Variants in ARRB1 observed in about 807,000 individuals in gnomAD.
The protein encoded by ARRB1 is beta-arrestin-1.
ARRB1 carries 21 observed loss-of-function variants against 56.8 expected under a neutral mutation model. That is an observed-to-expected ratio of 0.37 (90% confidence interval 0.26 to 0.53). The LOEUF (loss-of-function observed/expected upper bound fraction) is 0.53. Among genes scored for constraint, ARRB1 ranks in the 20% least tolerant of loss-of-function variants. The probability of loss-of-function intolerance (pLI) is 0.88; values close to 1 mark genes in which losing one functional copy is unlikely to be tolerated. For missense variants in ARRB1, 424 were observed against 553.7 expected, an observed-to-expected ratio of 0.77 and a Z score of 2.35; for synonymous variants, 210 against 218.6, an observed-to-expected ratio of 0.96 and a Z score of 0.35.
chr11:75,319,434 A>C (rs1263480335), intron 1 of ARRB1, among the ~76,000 whole-genome samples: 1 of 152,166 alleles, frequency 6.6e-6, no homozygotes, highest in African/African-American at 2.4e-5. Context: ...AGATCTGACC[A>C]CACTGTTTCA....
chr11:75,295,057 CTACAAAAA>C (rs1385356104), intron 1 of ARRB1, among the ~76,000 whole-genome samples: 1 of 151,860 alleles, frequency 6.6e-6, no homozygotes. Flanking sequence ...AACCCCATCT[CTACAAAAA>C]TACAAAAATT....
chr11:75,330,220 C>T (rs1338676848), intron 1 of ARRB1, among the ~76,000 whole-genome samples: 2 of 152,220 alleles, frequency 1.3e-5, no homozygotes, highest in South Asian at 2.1e-4. Flanking sequence ...AATTGCTGAA[C>T]TTAGCTGAGC....
chr11:75,273,390 C>G (rs987835443), intron 11 of ARRB1, among the ~76,000 whole-genome samples: 1 of 152,158 alleles, frequency 6.6e-6, no homozygotes, highest in Non-Finnish European at 1.5e-5. Context: ...AAGGACTTCT[C>G]CGCAGAGGTG....
At chr11:75,282,265 G>T (rs1946363262) in intron 5 of ARRB1, 2 of 451,946 alleles carry the variant, frequency 4.4e-6, no homozygotes, top group Non-Finnish European at 7.9e-6. Context: ...ATCTTTCTAT[G>T]ATGTCTACTG....
rs113795706 is a variant in ARRB1 at position 75,275,407 on chromosome 11, C to T, written c.777-1196G>A. On this transcript the variant is annotated intron_variant, in intron 10 of 15. Coordinates refer to ENST00000420843, the MANE Select transcript of ARRB1 (RefSeq NM_004041.5). The stretch of plus-strand genomic sequence containing the variant: ...AGTGATCTGCCTGCCTCAGCCTCCC[C>T]AAGTGCTGGGATTATAGGCGTGAGC... Among the ~76,000 whole-genome samples, 164 of 152,176 alleles carry T rather than the reference C, an allele frequency of 1.1e-3. 1 individual carries two copies. Among genetic ancestry groups the T allele is most frequent in the African/African-American group, 3.7e-3 (154 of 41,532 alleles).
At chr11:75,316,397 G>C (rs188548003) in intron 1 of ARRB1, among the ~76,000 whole-genome samples, 1 of 152,048 alleles carries the variant, frequency 6.6e-6, no homozygotes, top group Non-Finnish European at 1.5e-5. Context: ...GATCGGCTTC[G>C]TTTTCCTTAC....
intron 1 of ARRB1, among the ~76,000 whole-genome samples, chr11:75,297,864 C>CAAAA (rs34831668): frequency 0.019 from 564 of 29,240 alleles, 100 homozygotes; most frequent in Non-Finnish European, 0.019. Context: ...GACTTTGTCT[C>CAAAA]AAAAAAAAAA....
In ARRB1 at chr11:75,281,058, C is replaced by T; in HGVS notation, c.482+17G>A. On this transcript the variant is annotated intron_variant, in intron 7 of 15. Coordinates refer to ENST00000420843, the MANE Select transcript of ARRB1 (RefSeq NM_004041.5). ...CCCTCACCCAGCAGGCGGCCCACAC[C>T]CTGGCATCCTACTCACCGCTTGTGG... 1.3e-6 allele frequency: 2 copies of T among 1,595,828 alleles called. No individual in the cohort carries two copies. The highest frequency in any genetic ancestry group is 2.2e-5 in the East Asian group (1 of 44,570).
At chr11:75,269,922 C>A (rs569003337) in intron 13 of ARRB1, among the ~76,000 whole-genome samples, 2 of 152,338 alleles carry the variant, frequency 1.3e-5, no homozygotes, top group African/African-American at 2.4e-5. Flanking sequence ...CCCTAGGAGA[C>A]CACCCAACTG....
chr11:75,273,025 G>T lies in ARRB1; in HGVS notation c.915-47C>A, dbSNP rs200693288. On this transcript the variant is annotated intron_variant, in intron 11 of 15. Coordinates refer to ENST00000420843, the MANE Select transcript of ARRB1 (RefSeq NM_004041.5). ...CCAGTTCAGGGGCCTTGCCAGGTGG[G>T]CGAGACACCTCAGGGGTGGGTATGC... is the stretch of plus-strand genomic sequence containing the variant. 1.1e-4 allele frequency: 167 copies of T among 1,561,422 alleles called. No homozygotes were observed. The African/African-American group carries it at 2.0e-3, about 19-fold the overall frequency.
Position 75,260,135 on chromosome 11 carries a change from A to G in ARRB1, c.*6028T>C, listed in dbSNP as rs1329181358. 1 of 152,258 alleles carries G rather than the reference A, an allele frequency of 6.6e-6. No homozygotes were observed. Among genetic ancestry groups the G allele is most frequent in the Non-Finnish European group, 1.5e-5 (1 of 68,048 alleles). The allele number at this position is 152,258 out of a possible 1,614,324, so 9.4% of individuals were successfully genotyped here. ...GCACAGCCAGCATCCTCTGCCACAA[A>G]AGACCTTTAATGGCCTCCTATTTAT... On this transcript the variant is annotated 3_prime_UTR_variant, in exon 16 of 16. Transcript: ENST00000420843.
At chr11:75,310,734 A>T (rs569054442) in intron 1 of ARRB1, among the ~76,000 whole-genome samples, 1 of 152,316 alleles carries the variant, frequency 6.6e-6, no homozygotes, top group South Asian at 2.1e-4. Context: ...CATTCATGCC[A>T]CAGAGAGAGA....
intron 1 of ARRB1, among the ~76,000 whole-genome samples, chr11:75,326,829 C>T (rs1233595521): frequency 6.7e-6 from 1 of 150,156 alleles, no homozygotes; most frequent in Non-Finnish European, 1.5e-5. Context: ...CTCAGCCTCT[C>T]GAGTAGCTGG....
At chr11:75,301,869 T>C (rs1191202641) in intron 1 of ARRB1, among the ~76,000 whole-genome samples, 1 of 152,102 alleles carries the variant, frequency 6.6e-6, no homozygotes, top group Admixed American at 6.6e-5. Flanking sequence ...GTGCACCTGC[T>C]TCTCAGGACA....
intron 1 of ARRB1, among the ~76,000 whole-genome samples, chr11:75,342,918 A>G (rs1591993182): frequency 2.6e-5 from 4 of 152,282 alleles, no homozygotes; most frequent in African/African-American, 9.6e-5. Flanking sequence ...TCTGCCCTTT[A>G]GGTCACAAAG....
At chr11:75,300,148 A>G (rs376077903) in intron 1 of ARRB1, among the ~76,000 whole-genome samples, 1 of 146,674 alleles carries the variant, frequency 6.8e-6, no homozygotes, top group Non-Finnish European at 1.5e-5. Context: ...GGTTGCAGTG[A>G]GCTGAGATTG....
intron 1 of ARRB1, among the ~76,000 whole-genome samples, chr11:75,330,733 T>C (rs1201690079): frequency 2.0e-5 from 3 of 152,196 alleles, no homozygotes; most frequent in Non-Finnish European, 2.9e-5. Context: ...CCTGGCATCA[T>C]GACCTTGTTC....
At chr11:75,292,391 C>T (rs1489247380) in intron 1 of ARRB1, among the ~76,000 whole-genome samples, 1 of 152,144 alleles carries the variant, frequency 6.6e-6, no homozygotes, top group African/African-American at 2.4e-5. Context: ...CCTCCCACCT[C>T]CAGCCTCCCA....
chr11:75,344,064 G>A (rs1485503583), intron 1 of ARRB1, among the ~76,000 whole-genome samples: 1 of 152,064 alleles, frequency 6.6e-6, no homozygotes, highest in South Asian at 2.1e-4. Context: ...TGATCCACCC[G>A]CCTCGGCCTC....
Sources: gnomAD v4.1 joint callset for allele counts (sites outside exome capture counted in the v4.1 genomes callset) on GRCh38, gnomAD v4.1.1 for gene constraint, MANE v1.5 for transcripts, NCBI Gene and HGNC (gene_info 2026-07-23, HGNC 2026-07-21) for gene names.